Variants in HDAC7 observed in about 807,000 individuals in gnomAD.
The protein encoded by HDAC7 is histone deacetylase 7A.
In HDAC7, 26 loss-of-function variants were observed where a neutral mutation model predicts 115.5. That is an observed-to-expected ratio of 0.23 (90% CI 0.16 to 0.31). The LOEUF is 0.31. Ranked by LOEUF, HDAC7 falls within the 10% of genes least tolerant of loss-of-function variation. HDAC7 has a pLI of 1.00. For missense variants in HDAC7, 1,068 were observed against 1,329.0 expected, an observed-to-expected ratio of 0.80 and a Z score of 3.05; for synonymous variants, 564 against 550.9, an observed-to-expected ratio of 1.02 and a Z score of -0.33.
intron 1 of HDAC7, among the ~76,000 whole-genome samples, chr12:47,804,958 C>T (rs549601411): frequency 3.0e-4 from 45 of 152,254 alleles, no homozygotes; most frequent in African/African-American, 9.1e-4. Flanking sequence ...AAACCTGAGC[C>T]TTGCCGACCA....
chr12:47,819,710 G>A lies in HDAC7; in HGVS notation c.19+57C>T, dbSNP rs545102600. On this transcript the variant is annotated intron_variant, in intron 1 of 25. Coordinates refer to ENST00000080059, the MANE Select transcript of HDAC7 (RefSeq NM_015401.5). Reference sequence around the variant, plus strand: ...CCAGGGCCGGAGGCCGAGCCTGGGCGGGCGACGCTGGGTGCCGCGCGCAGG... The same window carrying A: ...CCAGGGCCGGAGGCCGAGCCTGGGCAGGCGACGCTGGGTGCCGCGCGCAGG... 482 of 454,958 alleles carry A rather than the reference G, an allele frequency of 1.1e-3. 4 individuals are homozygous for A. The highest frequency in any genetic ancestry group is 9.1e-3 in the African/African-American group (434 of 47,450). The allele number at this position is 454,958 out of a possible 1,614,324, so 28.2% of individuals were successfully genotyped here.
rs575696571 is a variant in HDAC7, at chr12:47,803,327, C to G, written c.20-1053G>C. Among the ~76,000 whole-genome samples, 4 of 152,130 alleles carry G rather than the reference C, an allele frequency of 2.6e-5. No individual in the cohort carries two copies. The highest frequency in any genetic ancestry group is 9.7e-5 in the African/African-American group (4 of 41,406). On this transcript the variant is annotated intron_variant, in intron 1 of 25. Coordinates refer to ENST00000080059, the MANE Select transcript of HDAC7 (RefSeq NM_015401.5). This position sits in a 1 kb window ranked among gnomAD's most constrained non-coding sequence, Gnocchi z 4.0. ...GAAGGGATATTTTTTGAGAAACTGC[C>G]GGGGTGCTCCTTTGGGTCTGTGTCT...
intron 1 of HDAC7, among the ~76,000 whole-genome samples, chr12:47,818,309 G>A (rs1209491687): frequency 2.0e-5 from 3 of 152,222 alleles, no homozygotes; most frequent in Non-Finnish European, 4.4e-5. Context: ...GGGACATCAG[G>A]GGACTAAAGG....
intron 2 of HDAC7, among the ~76,000 whole-genome samples, chr12:47,799,775 G>T (rs566962950): frequency 6.6e-6 from 1 of 152,374 alleles, no homozygotes; most frequent in East Asian, 1.9e-4. Flanking sequence ...CTGGCCACCA[G>T]ACTAGGGTCC....
At position 47,798,927 on chromosome 12, in the gene HDAC7, G is replaced by C; in HGVS notation, c.116C>G (p.Pro39Arg). The C allele has an allele frequency of 6.5e-7, 1 of 1,527,754 alleles. No homozygotes were observed. The highest frequency in any genetic ancestry group is 8.8e-7 in the Non-Finnish European group (1 of 1,142,512). The allele number at this position is 1,527,754 out of a possible 1,614,324, so 94.6% of individuals were successfully genotyped here. The change falls in exon 3 of 26, where the codon CCC becomes CGC. Residue 39 changes from proline to arginine, a missense_variant. Physicochemically the swap from Pro to Arg is moderately radical, Grantham distance 103. Coordinates refer to ENST00000080059, the MANE Select transcript of HDAC7 (RefSeq NM_015401.5). This position sits in a 1 kb window ranked among gnomAD's most constrained non-coding sequence, Gnocchi z 4.3. ...CCGCTGGCCCACCCGCAGGTCCATG[G>C]GCTGCGGCTGAGGGCCTGGTGTGTC... ...CADTPGPQPQPMDLRVGQRPP... is the reference protein window; with the variant it reads ...CADTPGPQPQRMDLRVGQRPP...
At position 47,793,542 on chromosome 12, in the gene HDAC7, C is replaced by A; in HGVS notation, c.1505G>T (p.Gly502Val). 1 of 1,547,124 alleles carries A rather than the reference C, an allele frequency of 6.5e-7. No individual in the cohort carries two copies. Among genetic ancestry groups the A allele is most frequent in the South Asian group, 1.2e-5 (1 of 83,942 alleles). ...QQRLAGRLPR[G>V]STGDTVLLPL... is the part of the protein sequence containing the mutation. ...AAGCAGCACAGTGTCCCCGGTGCTG[C>A]CCCGGGGGAGCCGCCCAGCCAGTCG... Residue 502 changes from glycine (G) to valine (V), a missense_variant, in exon 13 of 26, where the codon GGC becomes GTC. Coordinates refer to ENST00000080059, the MANE Select transcript of HDAC7 (RefSeq NM_015401.5). The surrounding 1 kb of genome is among the most constrained non-coding windows in gnomAD (Gnocchi z 4.5).
At chr12:47,785,674 T>G in intron 23 of HDAC7, 78 bp downstream of exon 23, 1 of 1,503,644 alleles carries the variant, frequency 6.7e-7, no homozygotes. Flanking sequence ...CCATCCCATC[T>G]GCCTGCTCCT....
chr12:47,799,131 T>C (rs1464206275), intron 2 of HDAC7, 159 bp from the exon 3 acceptor site: 10 of 572,090 alleles, frequency 1.7e-5, no homozygotes, highest in Non-Finnish European at 3.1e-5. Flanking sequence ...TCCTGCAAGG[T>C]AGGTATTATC....
At position 47,785,369 on chromosome 12, in the gene HDAC7, T is replaced by A; in HGVS notation, c.2791+18A>T. On this transcript the variant is annotated intron_variant, in intron 24 of 25. Transcript: ENST00000080059. ...TCCTTCAGTCTGAGCTCAGCGAGTG[T>A]CCCATCTCCACACTTACTGTGCACC... is the stretch of plus-strand genomic sequence containing the variant. The A allele has an allele frequency of 1.3e-6, 2 of 1,590,244 alleles. No individual in the cohort carries two copies. Among genetic ancestry groups the A allele is most frequent in the Non-Finnish European group, 1.7e-6 (2 of 1,166,596 alleles).
intron 14 of HDAC7, 69 bp downstream of exon 14, chr12:47,791,802 C>A (rs1943537868): frequency 2.3e-6 from 3 of 1,286,788 alleles, no homozygotes; most frequent in East Asian, 5.3e-5. Flanking sequence ...GGCCCCAGGG[C>A]CCCCCACCCC....
intron 1 of HDAC7, among the ~76,000 whole-genome samples, chr12:47,816,260 G>C (rs1159766486): frequency 6.6e-6 from 1 of 151,936 alleles, no homozygotes; most frequent in Non-Finnish European, 1.5e-5. Flanking sequence ...CCGCATTTGA[G>C]AATCCCAAAT....
rs765649719 is a variant in HDAC7 at position 47,793,484 on chromosome 12, G to C, written c.1563C>G (p.Ser521=). The change falls in exon 13 of 26, where the codon TCC becomes TCG. Residue 521 remains serine (S), a synonymous_variant. Transcript: ENST00000080059. The surrounding 1 kb of genome is among the most constrained non-coding windows in gnomAD (Gnocchi z 4.5). ...GTGCGGCTGGGGAAGACTGAGCCCG[G>C]GACAGAGGCCGGTGCCCACCCTGGG... ...PLAQGGHRPL[S]RAQSSPAAPA... The C allele has an allele frequency of 5.8e-6, 9 of 1,551,226 alleles. No individual in the cohort carries two copies. Among genetic ancestry groups the C allele is most frequent in the Non-Finnish European group, 7.8e-6 (9 of 1,147,898 alleles).
intron 1 of HDAC7, among the ~76,000 whole-genome samples, chr12:47,810,832 CTCTCTCTCTCTCTCTA>C (rs1359461648): frequency 1.0e-3 from 97 of 97,482 alleles, no homozygotes; most frequent in African/African-American, 4.4e-3. Context: ...CTCTCTCTCT[CTCTCTCTCTCTCTCTA>C]TCTCTATCTC....
intron 15 of HDAC7, 37 bp from the exon 16 acceptor site, chr12:47,791,345 C>T: frequency 6.5e-7 from 1 of 1,535,426 alleles, no homozygotes; most frequent in Non-Finnish European, 8.8e-7. Context: ...AGCGTGAATA[C>T]TCTCAGCCTT....
rs1177458509 is a variant in HDAC7, at chr12:47,793,822, C to A, written c.1459-234G>T. 3.3e-5 allele frequency among the ~76,000 whole-genome samples: 5 copies of A among 152,310 alleles called. No individual in the cohort carries two copies. The highest frequency in any genetic ancestry group is 1.9e-4 in the East Asian group (1 of 5,184). On this transcript the variant is annotated intron_variant, in intron 12 of 25. Transcript: ENST00000080059. The surrounding 1 kb of genome is among the most constrained non-coding windows in gnomAD (Gnocchi z 4.5). ...CCACCCATTCCACCAGCTCCCCGGG[C>A]CCTTGGGGCTCCAAAGCCAGGAACC... is the stretch of plus-strand genomic sequence containing the variant.
At chr12:47,817,469 G>A (rs1009651934) in intron 1 of HDAC7, 3 of 152,238 alleles carry the variant, frequency 2.0e-5, no homozygotes, top group Non-Finnish European at 4.4e-5. Context: ...GGGAGCCTCC[G>A]GGAGGACAGA....
At chr12:47,801,621 C>T (rs554443912) in intron 2 of HDAC7, among the ~76,000 whole-genome samples, 2 of 152,342 alleles carry the variant, frequency 1.3e-5, no homozygotes, top group Admixed American at 1.3e-4. Flanking sequence ...ATCTTGCACT[C>T]AGTAGGCCCT....
intron 7 of HDAC7, 124 bp from the exon 8 acceptor site, chr12:47,796,422 C>CTTTATT: frequency 7.1e-6 from 4 of 566,852 alleles, no homozygotes; most frequent in Non-Finnish European, 6.0e-6. Flanking sequence ...TTGCTTCCTG[C>CTTTATT]TTTCTTTTTT....
intron 13 of HDAC7, chr12:47,792,289 G>A (rs952368956): frequency 4.8e-5 from 23 of 483,508 alleles, no homozygotes; most frequent in Admixed American, 4.2e-4. Flanking sequence ...TCCCACATGC[G>A]GACACGACTG....
Sources: gnomAD v4.1 joint callset for allele counts (sites outside exome capture counted in the v4.1 genomes callset) on GRCh38, gnomAD v4.1.1 for gene constraint, Gnocchi (gnomAD v3.1) non-coding constraint, MANE v1.5 for transcripts, NCBI Gene and HGNC (gene_info 2026-07-23, HGNC 2026-07-21) for gene names.